TOLLIP: variants seen among roughly 807,000 people sequenced by gnomAD.
TOLLIP encodes the protein toll-interacting protein.
A neutral mutation model predicts 33.5 loss-of-function variants in TOLLIP; 16 were observed. The ratio of observed to expected loss-of-function variants is 0.48; its 90% CI spans 0.32 to 0.72. The LOEUF (loss-of-function observed/expected upper bound fraction) is 0.72, where lower values mean the gene tolerates loss of function less well. Ranked by LOEUF, TOLLIP falls within the 30% of genes least tolerant of loss-of-function variation. TOLLIP has a pLI of 0.03. For synonymous variants in TOLLIP, 176 were observed against 163.7 expected (o/e 1.07, Z -0.57); for missense variants, 325 against 396.6 (o/e 0.82, Z 1.53).
chr11:1,304,848 T>TA (rs1288134030), intron 1 of TOLLIP, among the ~76,000 whole-genome samples: 2 of 152,164 alleles, frequency 1.3e-5, no homozygotes, highest in Non-Finnish European at 2.9e-5. Context: ...AGAAAACATG[T>TA]AAAAAATCTG....
intron 1 of TOLLIP, among the ~76,000 whole-genome samples, chr11:1,300,759 G>A (rs1864247330): frequency 1.3e-5 from 2 of 152,204 alleles, no homozygotes; most frequent in Admixed American, 6.5e-5. Flanking sequence ...CTGGCCTCAC[G>A]CCTGCCAGGA....
chr11:1,276,994 G>A lies in TOLLIP; in HGVS notation c.*45C>T, dbSNP rs199524160. 3.7e-3 allele frequency: 5,881 copies of A among 1,600,176 alleles called. 14 individuals carry two copies. The highest frequency in any genetic ancestry group is 6.3e-3 in the Middle Eastern group (38 of 5,996). ...AGCATTCCTTGGGGAGCGCCGGGTC[G>A]GCGTGTCCAAAGAGCGGGGGCAAAA... On this transcript the variant is annotated 3_prime_UTR_variant, in exon 6 of 6. Transcript: ENST00000317204.
Position 1,274,436 on chromosome 11 carries a change from T to C in TOLLIP, c.*2603A>G, listed in dbSNP as rs977082594. ...TGGATCATTTATTAAATTAGAAGAC[T>C]AAAAAGTAAAAATATATTTTACAAT... On this transcript the variant is annotated 3_prime_UTR_variant, in exon 6 of 6. Transcript: ENST00000317204. 5.3e-5 allele frequency: 8 copies of C among 152,184 alleles called. No individual in the cohort carries two copies. The highest frequency in any genetic ancestry group is 1.9e-4 in the African/African-American group (8 of 41,426). The allele number at this position is 152,184 out of a possible 1,614,324, so 9.4% of individuals were successfully genotyped here.
rs957291934 is a variant in TOLLIP, at chr11:1,278,561, C to T, written c.611-1308G>A. 3.3e-5 allele frequency among the ~76,000 whole-genome samples: 5 copies of T among 152,264 alleles called. No individual in the cohort carries two copies. Among genetic ancestry groups the T allele is most frequent in the African/African-American group, 1.2e-4 (5 of 41,548 alleles). ...AGGACTCCTCAGCAAGGAAGGCCAC[C>T]GCTTCCCGGCTCCTTCTAGGCCAGG... On this transcript the variant is annotated intron_variant, in intron 5 of 5. Coordinates refer to ENST00000317204, the MANE Select transcript of TOLLIP (RefSeq NM_019009.4). This position sits in a 1 kb window ranked among gnomAD's most constrained non-coding sequence, Gnocchi z 4.7.
intron 5 of TOLLIP, among the ~76,000 whole-genome samples, chr11:1,280,953 C>A (rs765348234): frequency 6.6e-6 from 1 of 152,210 alleles, no homozygotes; most frequent in Non-Finnish European, 1.5e-5. Flanking sequence ...GAAGAACGCA[C>A]GGGAAATTGA....
chr11:1,284,207 T>C (rs2133888919), intron 5 of TOLLIP, among the ~76,000 whole-genome samples: 2 of 152,288 alleles, frequency 1.3e-5, no homozygotes, highest in Middle Eastern at 3.4e-3. Context: ...GTGCTGGCTC[T>C]TCCACTTACC....
At chr11:1,284,688 G>A (rs1863628891) in intron 5 of TOLLIP, among the ~76,000 whole-genome samples, 1 of 152,154 alleles carries the variant, frequency 6.6e-6, no homozygotes, top group Non-Finnish European at 1.5e-5. Flanking sequence ...CACCACAGAG[G>A]CCCTCTCAGA....
chr11:1,305,801 G>C (rs1864406494), intron 1 of TOLLIP: 2 of 152,286 alleles, frequency 1.3e-5, no homozygotes, highest in Admixed American at 6.5e-5. Context: ...AGAGCAGCCT[G>C]GACACGGCAC....
In TOLLIP at chr11:1,295,692, C is replaced by T. The variant is rs754136374; in HGVS notation, c.136G>A (p.Gly46Arg). ...DAQAAQQLQY[G>R]GAVGTVGRLN... ...CGGCCCACGGTGCCCACTGCGCCTC[C>T]GTACTGCAGCTGCTGGGCCGCCTGG... Residue 46 changes from glycine to arginine, a missense_variant, in exon 2 of 6, where the codon GGA becomes AGA. Gly to Arg is a moderately radical substitution (Grantham distance 125). Coordinates refer to ENST00000317204, the MANE Select transcript of TOLLIP (RefSeq NM_019009.4). The T allele has an allele frequency of 9.9e-6, 16 of 1,611,030 alleles. No individual in the cohort carries two copies. Among genetic ancestry groups the T allele is most frequent in the African/African-American group, 2.7e-5 (2 of 74,908 alleles).
At position 1,275,692 on chromosome 11, in the gene TOLLIP, A is replaced by G. The variant is rs1283718518; in HGVS notation, c.*1347T>C. On this transcript the variant is annotated 3_prime_UTR_variant, in exon 6 of 6. Coordinates refer to ENST00000317204, the MANE Select transcript of TOLLIP (RefSeq NM_019009.4). Reference sequence around the variant, plus strand: ...GTATATTTGACAAAAACCACCCCCAATCGATGGCAGAAAGCAGTATTTTCT... The same window carrying G: ...GTATATTTGACAAAAACCACCCCCAGTCGATGGCAGAAAGCAGTATTTTCT... 3.3e-5 allele frequency: 5 copies of G among 152,112 alleles called. No individual in the cohort carries two copies. The highest frequency in any genetic ancestry group is 9.7e-5 in the African/African-American group (4 of 41,414). The allele number at this position is 152,112 out of a possible 1,614,324, so 9.4% of individuals were successfully genotyped here.
chr11:1,289,259 G>A (rs1244562134), intron 3 of TOLLIP, among the ~76,000 whole-genome samples: 1 of 152,230 alleles, frequency 6.6e-6, no homozygotes, highest in Non-Finnish European at 1.5e-5. Flanking sequence ...GGGAAAGCAG[G>A]TAGGGACGGG....
At chr11:1,279,131 T>G (rs1203873957) in intron 5 of TOLLIP, among the ~76,000 whole-genome samples, 1 of 152,252 alleles carries the variant, frequency 6.6e-6, no homozygotes, top group Non-Finnish European at 1.5e-5. Context: ...GCTGTGACGC[T>G]GCGACGTCAC....
intron 1 of TOLLIP, 146 bp from the exon 2 acceptor site, chr11:1,295,940 T>C: frequency 1.8e-6 from 2 of 1,100,238 alleles, no homozygotes; most frequent in South Asian, 3.8e-5. Context: ...AGTTTCCTCA[T>C]CTCTAAACGG....
chr11:1,295,497 T>C, intron 2 of TOLLIP, 148 bp downstream of exon 2: 1 of 1,077,246 alleles, frequency 9.3e-7, no homozygotes, highest in South Asian at 1.7e-5. Context: ...CACAGATCGT[T>C]TTCAACATCA....
At chr11:1,283,612 T>C (rs1257971115) in intron 5 of TOLLIP, 1 of 453,962 alleles carries the variant, frequency 2.2e-6, no homozygotes, top group South Asian at 1.6e-5. Context: ...CAAAAGAAAA[T>C]TTCAAAGTTT....
chr11:1,304,058 C>T (rs1329446533), intron 1 of TOLLIP, among the ~76,000 whole-genome samples: 1 of 148,326 alleles, frequency 6.7e-6, no homozygotes, highest in African/African-American at 2.5e-5. Context: ...AAAAAAAAGA[C>T]CTCAAGTGAA....
chr11:1,304,248 TGTCCACCTGGAGTACC>T (rs1443374329), intron 1 of TOLLIP, among the ~76,000 whole-genome samples: 1 of 151,822 alleles, frequency 6.6e-6, no homozygotes, highest in Non-Finnish European at 1.5e-5. Flanking sequence ...CCGGGAGTAC[TGTCCACCTGGAGTACC>T]GCCCACCTGG....
chr11:1,295,634 C>A lies in TOLLIP; in HGVS notation c.183+11G>T. ...AGCCCCAGGCAGGCAGGAGGGTGCCCCAAGGCCCACCTGTACCACCGTGAT... is the reference window on the plus strand; with the variant it reads ...AGCCCCAGGCAGGCAGGAGGGTGCCACAAGGCCCACCTGTACCACCGTGAT... On this transcript the variant is annotated intron_variant, in intron 2 of 5. Coordinates refer to ENST00000317204, the MANE Select transcript of TOLLIP (RefSeq NM_019009.4). 1 of 1,535,676 alleles carries A rather than the reference C, an allele frequency of 6.5e-7. No individual in the cohort carries two copies. The highest frequency in any genetic ancestry group is 8.8e-7 in the Non-Finnish European group (1 of 1,130,322).
Position 1,303,218 on chromosome 11 carries a change from G to A in TOLLIP, c.33+6248C>T, listed in dbSNP as rs1864332237. 6.6e-6 allele frequency among the ~76,000 whole-genome samples: 1 copy of A among 152,172 alleles called. No individual in the cohort carries two copies. ...TGGGGTCTCTGCCAGGAACTCCACT[G>A]CAGGCAGCCTTGCATCCTAAGTGCT... On this transcript the variant is annotated intron_variant, in intron 1 of 5. Transcript: ENST00000317204. The surrounding 1 kb of genome is among the most constrained non-coding windows in gnomAD (Gnocchi z 4.2).
Sources: gnomAD v4.1 joint callset for allele counts (sites outside exome capture counted in the v4.1 genomes callset) on GRCh38, gnomAD v4.1.1 for gene constraint, Gnocchi (gnomAD v3.1) non-coding constraint, MANE v1.5 for transcripts, NCBI Gene and HGNC (gene_info 2026-07-23, HGNC 2026-07-21) for gene names.